The following FRMD4B variants were observed in gnomAD, a reference collection of about 807,000 sequenced individuals.
FRMD4B encodes FERM domain-containing protein 4B.
In FRMD4B, 74 loss-of-function variants were observed where a neutral mutation model predicts 141.5. The ratio of observed to expected loss-of-function variants is 0.52; its 90% CI spans 0.43 to 0.63. The LOEUF is 0.63. Among genes scored for constraint, FRMD4B ranks in the 30% least tolerant of loss-of-function variants. The pLI is 0.00. For synonymous variants in FRMD4B, 506 were observed against 467.9 expected (o/e 1.08, Z -1.05); for missense variants, 1,366 against 1,253.4 (o/e 1.09, Z -1.36).
At chr3:69,207,167 C>A (rs2107691641) in intron 11 of FRMD4B, among the ~76,000 whole-genome samples, 1 of 152,052 alleles carries the variant, frequency 6.6e-6, no homozygotes, top group Middle Eastern at 3.4e-3. Context: ...TAGTGGGACA[C>A]AATGGCACAT....
At chr3:69,370,109 C>T (rs1221555308) in intron 1 of FRMD4B, among the ~76,000 whole-genome samples, 1 of 147,384 alleles carries the variant, frequency 6.8e-6, no homozygotes, top group East Asian at 2.0e-4. Flanking sequence ...TGCTTTTGTT[C>T]CTGTTTTTTT....
intron 1 of FRMD4B, among the ~76,000 whole-genome samples, chr3:69,347,603 G>A (rs1313985075): frequency 1.3e-5 from 2 of 152,266 alleles, no homozygotes; most frequent in Admixed American, 1.3e-4. Flanking sequence ...CTCAGCAAAT[G>A]TAAAAGAACA....
In FRMD4B at chr3:69,363,330, C is replaced by T. The variant is rs139783749; in HGVS notation, c.162+22498G>A. On this transcript the variant is annotated intron_variant, in intron 1 of 22. Coordinates refer to ENST00000398540, the MANE Select transcript of FRMD4B (RefSeq NM_015123.3). ...GAACTCCTGAGCTCAAGTGATCCTC[C>T]CATCTTGACCTCCCAAAGTGTTGGG... Among the ~76,000 whole-genome samples the T allele has an allele frequency of 5.0e-4, 75 of 149,764 alleles. No individual in the cohort carries two copies. In the East Asian group the frequency reaches 0.011, roughly 22 times the overall value.
chr3:69,470,907 C>A (rs945864519), intron 1 of FRMD4B, among the ~76,000 whole-genome samples: 2 of 152,134 alleles, frequency 1.3e-5, no homozygotes, highest in Non-Finnish European at 2.9e-5. Flanking sequence ...TAAAACCATC[C>A]CACATGGCCG....
chr3:69,471,423 T>C, intron 1 of FRMD4B: 1 of 244,232 alleles, frequency 4.1e-6, no homozygotes, highest in Non-Finnish European at 8.5e-6. Flanking sequence ...ATGTAGCCCT[T>C]ATCACTATAT....
intron 5 of FRMD4B, among the ~76,000 whole-genome samples, chr3:69,281,303 A>G (rs1384750867): frequency 1.3e-5 from 2 of 152,156 alleles, no homozygotes; most frequent in Non-Finnish European, 2.9e-5. Context: ...TGTTGACTAT[A>G]GTATTGTTAA....
intron 2 of FRMD4B, among the ~76,000 whole-genome samples, chr3:69,394,123 C>G (rs917213313): frequency 1.3e-5 from 2 of 152,216 alleles, no homozygotes; most frequent in African/African-American, 2.4e-5. Flanking sequence ...TCTCACAGCT[C>G]TAGAGGCTGG....
chr3:69,301,673 T>TA (rs953414815), intron 4 of FRMD4B, among the ~76,000 whole-genome samples: 6 of 151,930 alleles, frequency 3.9e-5, no homozygotes, highest in African/African-American at 1.2e-4. Flanking sequence ...GAATGTGAAC[T>TA]AAAAAAAATA....
chr3:69,180,825 G>C (rs12054011), intron 21 of FRMD4B, 74 bp downstream of exon 21: 1,010,334 of 1,028,938 alleles, frequency 0.98, 497,539 homozygotes, highest in Non-Finnish European at 1. Flanking sequence ...CATGATCCGT[G>C]AGGCGGTTTT....
At chr3:69,493,267 C>T (rs1030735430) in intron 1 of FRMD4B, among the ~76,000 whole-genome samples, 5 of 152,092 alleles carry the variant, frequency 3.3e-5, no homozygotes, top group African/African-American at 1.2e-4. Flanking sequence ...CTTACTGCCT[C>T]AAGTATTTGA....
At chr3:69,516,526 T>A (rs1322257091) in intron 1 of FRMD4B, among the ~76,000 whole-genome samples, 6 of 152,160 alleles carry the variant, frequency 3.9e-5, no homozygotes, top group Admixed American at 3.9e-4. Flanking sequence ...GAACAGGTTT[T>A]CCCCCTGGAA....
intron 1 of FRMD4B, among the ~76,000 whole-genome samples, chr3:69,319,472 A>C (rs1302984325): frequency 6.6e-6 from 1 of 152,252 alleles, no homozygotes. Flanking sequence ...GATAAATAAC[A>C]GGTAAAGTTA....
intron 5 of FRMD4B, among the ~76,000 whole-genome samples, chr3:69,272,807 A>AGG (rs2093601570): frequency 6.6e-6 from 1 of 152,186 alleles, no homozygotes; most frequent in Non-Finnish European, 1.5e-5. Context: ...GTTAAATTGC[A>AGG]CTGAGACTAA....
intron 2 of FRMD4B, among the ~76,000 whole-genome samples, chr3:69,396,979 T>C (rs563638720): frequency 6.6e-6 from 1 of 152,262 alleles, no homozygotes; most frequent in Non-Finnish European, 1.5e-5. Context: ...ATCCATATAA[T>C]GGAATGTTAG....
At chr3:69,485,105 C>T (rs2107001050) in intron 1 of FRMD4B, among the ~76,000 whole-genome samples, 1 of 152,294 alleles carries the variant, frequency 6.6e-6, no homozygotes, top group South Asian at 2.1e-4. Flanking sequence ...TCAACTTCCC[C>T]TCCCCTGCTC....
chr3:69,535,627 G>A (rs1701072664), intron 1 of FRMD4B: 1 of 189,248 alleles, frequency 5.3e-6, no homozygotes, highest in South Asian at 8.5e-5. Flanking sequence ...AATCAGGGCA[G>A]TGGCTCGGTC....
At chr3:69,213,350 G>A (rs1271699977) in intron 11 of FRMD4B, among the ~76,000 whole-genome samples, 2 of 142,754 alleles carry the variant, frequency 1.4e-5, no homozygotes, top group Non-Finnish European at 1.5e-5. Flanking sequence ...TTGCCCTCAT[G>A]AGTATTTCTT....
Position 69,302,439 on chromosome 3 carries a change from T to G in FRMD4B, c.324-4A>C. On this transcript the variant is annotated splice_region_variant and splice_polypyrimidine_tract_variant and intron_variant, in intron 3 of 22. Coordinates refer to ENST00000398540, the MANE Select transcript of FRMD4B (RefSeq NM_015123.3). The stretch of plus-strand genomic sequence containing the variant: ...CTGCAGCCAGTTCTGCTGACCTCTG[T>G]GAGAGCAAAGCAAAGAAAAAGGATT... The G allele has an allele frequency of 6.4e-7, 1 of 1,551,932 alleles. No homozygotes were observed. Among genetic ancestry groups the G allele is most frequent in the South Asian group, 1.1e-5 (1 of 87,348 alleles).
chr3:69,467,638 T>C (rs1705815066), intron 1 of FRMD4B, among the ~76,000 whole-genome samples: 1 of 152,222 alleles, frequency 6.6e-6, no homozygotes, highest in South Asian at 2.1e-4. Flanking sequence ...AGAATGTGCC[T>C]AGGGTTTTTT....
Sources: gnomAD v4.1 joint callset for allele counts (sites outside exome capture counted in the v4.1 genomes callset) on GRCh38, gnomAD v4.1.1 for gene constraint, MANE v1.5 for transcripts, NCBI Gene and HGNC (gene_info 2026-07-23, HGNC 2026-07-21) for gene names.